The following NCKAP5 variants were observed in gnomAD, a reference collection of about 807,000 sequenced individuals.
NCKAP5 encodes the protein nck-associated protein 5.
NCKAP5 carries 92 observed loss-of-function variants against 167.0 expected under a neutral mutation model. The ratio of observed to expected loss-of-function variants is 0.55; its 90% CI spans 0.47 to 0.66. The LOEUF (loss-of-function observed/expected upper bound fraction) is 0.66, where lower values mean the gene tolerates loss of function less well. NCKAP5 is among the 30% of genes least tolerant of loss of function. The pLI, the probability that NCKAP5 is intolerant of heterozygous loss-of-function variation, is 0.00. For missense variants in NCKAP5, 2,378 were observed against 2,315.0 expected, an observed-to-expected ratio of 1.03 and a Z score of -0.56; for synonymous variants, 891 against 877.4, an observed-to-expected ratio of 1.02 and a Z score of -0.27.
chr2:132,706,686 T>C (rs1688385573), intron 19 of NCKAP5, among the ~76,000 whole-genome samples: 1 of 152,120 alleles, frequency 6.6e-6, no homozygotes, highest in Non-Finnish European at 1.5e-5. Flanking sequence ...CTGTGTTTTT[T>C]GCCAGGCTCC....
In NCKAP5 at chr2:133,128,598, CTT is replaced by C. The variant is rs1183539432; in HGVS notation, c.341+1378_341+1379del. On this transcript the variant is annotated intron_variant, in intron 6 of 19. Coordinates refer to ENST00000409261, the MANE Select transcript of NCKAP5 (RefSeq NM_207363.3). ...AGATTCTAGTGATCTCTCTCTCTCT[CTT>C]TTTTTTTTTGTTTTTGTAATGGAAT... is the stretch of plus-strand genomic sequence containing the variant. Among the ~76,000 whole-genome samples, 565 of 144,134 alleles carry C rather than the reference CTT, an allele frequency of 3.9e-3. 2 individuals are homozygous for C. The highest frequency in any genetic ancestry group is 0.014 in the African/African-American group (538 of 38,406). The allele number at this position is 144,134 out of a possible 152,430, so 94.6% of individuals were successfully genotyped here. A position where few individuals can be genotyped will look rare whatever the true frequency, so the allele number is the denominator to read the frequency against.
intron 3 of NCKAP5, among the ~76,000 whole-genome samples, chr2:133,363,952 C>A (rs1685286976): frequency 6.6e-6 from 1 of 152,100 alleles, no homozygotes; most frequent in Non-Finnish European, 1.5e-5. Context: ...TCATCAGAAG[C>A]AATAACAAAT....
intron 19 of NCKAP5, among the ~76,000 whole-genome samples, chr2:132,711,251 T>C (rs1240496835): frequency 2.6e-5 from 4 of 152,168 alleles, no homozygotes; most frequent in Admixed American, 1.3e-4. Context: ...GTCTTGAAGG[T>C]AAAAGAAAAA....
intron 5 of NCKAP5, among the ~76,000 whole-genome samples, chr2:133,194,921 A>ACT (rs2085374390): frequency 6.6e-6 from 1 of 151,738 alleles, no homozygotes; most frequent in South Asian, 2.1e-4. Context: ...TTAAAATTTA[A>ACT]CAGTAGTTGA....
chr2:132,900,211 T>A (rs1473830147), intron 8 of NCKAP5, among the ~76,000 whole-genome samples: 3 of 152,106 alleles, frequency 2.0e-5, no homozygotes, highest in Admixed American at 2.0e-4. Context: ...ATGTTTAAAA[T>A]CTTGTGAGAT....
chr2:132,906,666 T>C (rs1424433752), intron 8 of NCKAP5, among the ~76,000 whole-genome samples: 1 of 152,194 alleles, frequency 6.6e-6, no homozygotes, highest in Non-Finnish European at 1.5e-5. Flanking sequence ...ACCTGGGCTT[T>C]CTTGACAACC....
chr2:132,770,503 AG>A (rs1259562453), intron 16 of NCKAP5, among the ~76,000 whole-genome samples: 1 of 150,486 alleles, frequency 6.6e-6, no homozygotes, highest in Non-Finnish European at 1.5e-5. Flanking sequence ...ATGGATTGTC[AG>A]GCTTTTTTGT....
chr2:133,609,018 C>T, the NCKAP5 span, among the ~76,000 whole-genome samples: 7 of 152,194 alleles, frequency 4.6e-5, no homozygotes, highest in Non-Finnish European at 1.0e-4. Context: ...CAAAATCCTG[C>T]GCCTCCTTCC....
intron 5 of NCKAP5, among the ~76,000 whole-genome samples, chr2:133,174,735 T>A (rs2084388388): frequency 2.0e-5 from 3 of 151,870 alleles, no homozygotes; most frequent in Non-Finnish European, 4.4e-5. Flanking sequence ...GCTCCAGCTT[T>A]GGAATCAACC....
intron 6 of NCKAP5, among the ~76,000 whole-genome samples, chr2:133,021,225 T>C (rs745609451): frequency 1.6e-4 from 25 of 152,086 alleles, no homozygotes; most frequent in Non-Finnish European, 2.6e-4. Context: ...AGAGATTATA[T>C]TGGAAAGAAG....
chr2:132,946,351 T>C (rs1205431599), intron 8 of NCKAP5, among the ~76,000 whole-genome samples: 3 of 152,192 alleles, frequency 2.0e-5, no homozygotes, highest in Non-Finnish European at 4.4e-5. Flanking sequence ...GAGCCATCTT[T>C]AGGGTGAAGA....
At position 133,052,969 on chromosome 2, in the gene NCKAP5, C is replaced by T. The variant is rs554774658; in HGVS notation, c.342-58730G>A. 1.7e-4 allele frequency among the ~76,000 whole-genome samples: 26 copies of T among 152,086 alleles called. No individual in the cohort carries two copies. The South Asian group carries it at 5.2e-3, about 30-fold the overall frequency. On this transcript the variant is annotated intron_variant, in intron 6 of 19. Transcript: ENST00000409261. ...GAGAAAACAAAATAAAAAAATACTC[C>T]TAATGTTTTGGCATCCTCCTTGGGA... is the stretch of plus-strand genomic sequence containing the variant.
chr2:133,550,549 C>G (rs532755468), intron 2 of NCKAP5, among the ~76,000 whole-genome samples: 3 of 130,388 alleles, frequency 2.3e-5, no homozygotes, highest in East Asian at 4.6e-4. Flanking sequence ...ATTCAACAAC[C>G]CTTCATGCTA....
intron 19 of NCKAP5, among the ~76,000 whole-genome samples, chr2:132,708,233 G>C (rs1688542384): frequency 6.6e-6 from 1 of 152,074 alleles, no homozygotes; most frequent in Non-Finnish European, 1.5e-5. Context: ...TGGCCACAGT[G>C]GGGTAGAGCA....
chr2:132,685,793 A>G (rs1326388593), intron 19 of NCKAP5, among the ~76,000 whole-genome samples: 1 of 152,172 alleles, frequency 6.6e-6, no homozygotes, highest in African/African-American at 2.4e-5. Flanking sequence ...CCCATGATTT[A>G]AGTGCTTTGG....
intron 3 of NCKAP5, among the ~76,000 whole-genome samples, chr2:133,396,870 C>T (rs373017153): frequency 6.6e-6 from 1 of 152,182 alleles, no homozygotes; most frequent in Non-Finnish European, 1.5e-5. Flanking sequence ...ATGGGAAGGA[C>T]ACATGCTTGT....
intron 4 of NCKAP5, among the ~76,000 whole-genome samples, chr2:133,241,441 C>T (rs2087700574): frequency 6.6e-6 from 1 of 152,196 alleles, no homozygotes; most frequent in African/African-American, 2.4e-5. Flanking sequence ...TTATTTACAT[C>T]ATCTTTGCAA....
chr2:133,567,600 A>C (rs1258643260), intron 1 of NCKAP5, among the ~76,000 whole-genome samples: 1 of 151,900 alleles, frequency 6.6e-6, no homozygotes, highest in Non-Finnish European at 1.5e-5. Flanking sequence ...CCAAATAGAA[A>C]CAGTTTCAAT....
chr2:132,987,885 TG>T (rs1184368232), intron 7 of NCKAP5, among the ~76,000 whole-genome samples: 3 of 152,200 alleles, frequency 2.0e-5, no homozygotes, highest in Non-Finnish European at 4.4e-5. Flanking sequence ...AATTTCTCTG[TG>T]CCTCAGTTTC....
Sources: gnomAD v4.1 joint callset for allele counts (sites outside exome capture counted in the v4.1 genomes callset) on GRCh38, gnomAD v4.1.1 for gene constraint, MANE v1.5 for transcripts, NCBI Gene and HGNC (gene_info 2026-07-23, HGNC 2026-07-21) for gene names.